The following SLC8A1 variants were observed in gnomAD, a reference collection of about 807,000 sequenced individuals.
SLC8A1 encodes the protein solute carrier family 8 member A1.
SLC8A1 carries 18 observed loss-of-function variants against 68.3 expected under a neutral mutation model. That is an observed-to-expected ratio of 0.26 (90% confidence interval 0.18 to 0.39). SLC8A1 has a LOEUF of 0.39. Among genes scored for constraint, SLC8A1 ranks in the 10% least tolerant of loss-of-function variants. SLC8A1 has a pLI of 1.00. For synonymous variants in SLC8A1, 475 were observed against 415.5 expected (o/e 1.14, Z -1.74); for missense variants, 985 against 1,156.7 (o/e 0.85, Z 2.15).
chr2:40,214,511 T>G (rs772492010), intron 2 of SLC8A1, among the ~76,000 whole-genome samples: 7 of 151,824 alleles, frequency 4.6e-5, no homozygotes, highest in Non-Finnish European at 8.8e-5. Context: ...GGCGCAATCT[T>G]GGCTCACTGC....
At chr2:40,451,856 C>G (rs1044168951) in intron 1 of SLC8A1, 48 bp downstream of exon 1, 1 of 152,604 alleles carries the variant, frequency 6.6e-6, no homozygotes, top group Non-Finnish European at 1.5e-5. Flanking sequence ...GAAAATAGTT[C>G]TTGGTCTCTG....
intron 1 of SLC8A1, among the ~76,000 whole-genome samples, chr2:40,494,177 G>A (rs946613342): frequency 6.6e-6 from 1 of 151,952 alleles, no homozygotes; most frequent in Non-Finnish European, 1.5e-5. Context: ...CTTCCATGTG[G>A]TGACTCCCCT....
In SLC8A1 at chr2:40,425,071, C is replaced by G. The variant is rs572717602; in HGVS notation, c.1808+3402G>C. ...TAGCTGTTAACATTAGACAGAATTC[C>G]CTGTTGTAAGTCAAAATTAGTTGGC... On this transcript the variant is annotated intron_variant, in intron 2 of 7. Coordinates refer to ENST00000406785, the Ensembl canonical transcript of SLC8A1. 4.6e-5 allele frequency among the ~76,000 whole-genome samples: 7 copies of G among 151,746 alleles called. No individual in the cohort carries two copies. The South Asian group carries it at 1.5e-3, about 31-fold the overall frequency.
intron 2 of SLC8A1, among the ~76,000 whole-genome samples, chr2:40,325,346 A>G (rs1227236646): frequency 1.3e-5 from 2 of 152,144 alleles, no homozygotes; most frequent in Non-Finnish European, 2.9e-5. Flanking sequence ...GAAACCAGGA[A>G]AAAGTCCCAG....
chr2:40,291,447 G>A (rs980496631), intron 2 of SLC8A1, among the ~76,000 whole-genome samples: 4 of 152,090 alleles, frequency 2.6e-5, no homozygotes, highest in African/African-American at 9.7e-5. Context: ...AAGTTTCCTA[G>A]GTTTCAAGCT....
chr2:40,292,952 A>G (rs573062747), intron 2 of SLC8A1, among the ~76,000 whole-genome samples: 3 of 152,294 alleles, frequency 2.0e-5, no homozygotes, highest in Admixed American at 6.5e-5. Flanking sequence ...ACCATAGATC[A>G]TGGGAAAAGA....
At chr2:40,366,731 T>C (rs1163769578) in intron 2 of SLC8A1, among the ~76,000 whole-genome samples, 1 of 151,826 alleles carries the variant, frequency 6.6e-6, no homozygotes, top group Non-Finnish European at 1.5e-5. Flanking sequence ...CATACAGAGA[T>C]ATGATCTCCC....
chr2:40,106,799 C>T, exon 8 of SLC8A1: 1 of 152,148 alleles, frequency 6.6e-6, no homozygotes, highest in East Asian at 1.9e-4. Context: ...AAAACAAAGT[C>T]TTTCCACCAT....
intron 2 of SLC8A1, among the ~76,000 whole-genome samples, chr2:40,237,192 C>G (rs960903124): frequency 5.3e-5 from 8 of 152,216 alleles, no homozygotes; most frequent in South Asian, 2.1e-4. Flanking sequence ...TAATATCCTG[C>G]AGCTTGTTTT....
chr2:40,372,718 A>C (rs1678529434), intron 2 of SLC8A1, among the ~76,000 whole-genome samples: 1 of 152,114 alleles, frequency 6.6e-6, no homozygotes, highest in African/African-American at 2.4e-5. Flanking sequence ...CTTCCAGACT[A>C]AGTTTGGGTT....
At chr2:40,312,966 A>G (rs1559198330) in intron 2 of SLC8A1, among the ~76,000 whole-genome samples, 2 of 152,114 alleles carry the variant, frequency 1.3e-5, no homozygotes, top group Non-Finnish European at 2.9e-5. Flanking sequence ...ACATATGTAT[A>G]TGTGTGTATA....
rs369623842 is a variant in SLC8A1, at chr2:40,499,902, G to A, written c.-25+12447C>T. 9.9e-5 allele frequency among the ~76,000 whole-genome samples: 15 copies of A among 151,984 alleles called. No homozygotes were observed. In the South Asian group the frequency reaches 1.9e-3, roughly 19 times the overall value. On this transcript the variant is annotated intron_variant, in intron 1 of 7. Coordinates refer to the SLC8A1 transcript ENST00000402441. ...ATAAGCCTTTATTTAAAATATTCTC[G>A]GGTATAAACTGAAGTCCATGGAGCC...
intron 2 of SLC8A1, among the ~76,000 whole-genome samples, chr2:40,286,427 G>T: frequency 6.6e-6 from 1 of 152,154 alleles, no homozygotes; most frequent in East Asian, 1.9e-4. Flanking sequence ...CTTGAGACAT[G>T]CTTATGTTAA....
chr2:40,238,430 T>A, intron 2 of SLC8A1, among the ~76,000 whole-genome samples: 1 of 66,946 alleles, frequency 1.5e-5, no homozygotes. Flanking sequence ...CCCTTGCACT[T>A]CCCAAGTGAG....
At chr2:40,322,481 A>C (rs1195435592) in intron 2 of SLC8A1, among the ~76,000 whole-genome samples, 1 of 143,252 alleles carries the variant, frequency 7.0e-6, no homozygotes, top group Non-Finnish European at 1.5e-5. Flanking sequence ...ACATAGAGAG[A>C]CCTCATCTCT....
At chr2:40,211,235 C>T (rs116697589) in intron 2 of SLC8A1, among the ~76,000 whole-genome samples, 2,073 of 152,280 alleles carry the variant, frequency 0.014, 56 homozygotes, top group African/African-American at 0.047. Flanking sequence ...AACTCATGTA[C>T]GTTGGCACCT....
chr2:40,132,025 T>G (rs1194150889), intron 7 of SLC8A1, among the ~76,000 whole-genome samples: 1 of 152,100 alleles, frequency 6.6e-6, no homozygotes, highest in Non-Finnish European at 1.5e-5. Flanking sequence ...CTCCATTAGG[T>G]GTTTTTCATG....
intron 2 of SLC8A1, among the ~76,000 whole-genome samples, chr2:40,215,970 A>G (rs1361445709): frequency 3.3e-5 from 5 of 149,734 alleles, no homozygotes; most frequent in African/African-American, 9.8e-5. Context: ...TTAATTGCCA[A>G]TGGGTGATCA....
At chr2:40,269,534 T>C (rs1245820178) in intron 2 of SLC8A1, among the ~76,000 whole-genome samples, 1 of 152,158 alleles carries the variant, frequency 6.6e-6, no homozygotes, top group Non-Finnish European at 1.5e-5. Context: ...AGCAGAACCC[T>C]TTATTTCCCA....
Sources: allele counts gnomAD v4.1 joint callset (sites outside exome capture counted in the v4.1 genomes callset), GRCh38; gene constraint gnomAD v4.1.1; transcripts MANE v1.5; gene names NCBI Gene and HGNC (gene_info 2026-07-23, HGNC 2026-07-21).